Variants in PHF21B observed in about 807,000 individuals in gnomAD.
PHF21B encodes the protein PHD finger protein 4.
In PHF21B, 22 loss-of-function variants were observed where a neutral mutation model predicts 62.2. The observed-to-expected ratio is 0.35, with a 90% CI of 0.25 to 0.51. The LOEUF is 0.51. Among genes scored for constraint, PHF21B ranks in the 20% least tolerant of loss-of-function variants. The pLI, the probability that PHF21B is intolerant of heterozygous loss-of-function variation, is 0.97. For missense variants in PHF21B, 701 were observed against 707.9 expected, an observed-to-expected ratio of 0.99 and a Z score of 0.11; for synonymous variants, 341 against 314.7, an observed-to-expected ratio of 1.08 and a Z score of -0.88.
intron 2 of PHF21B, among the ~76,000 whole-genome samples, chr22:44,987,094 C>T (rs1265909101): frequency 1.3e-5 from 2 of 152,144 alleles, no homozygotes; most frequent in African/African-American, 4.8e-5. Flanking sequence ...AGAAGAGTAA[C>T]ATAAAAGGCT....
At chr22:44,888,463 C>T (rs1201233984) in intron 9 of PHF21B, among the ~76,000 whole-genome samples, 2 of 151,476 alleles carry the variant, frequency 1.3e-5, no homozygotes, top group African/African-American at 4.9e-5. Flanking sequence ...TGTCCTGCTG[C>T]GGCCTAGAAA....
At chr22:44,976,826 T>C (rs952709710) in intron 2 of PHF21B, among the ~76,000 whole-genome samples, 7 of 152,232 alleles carry the variant, frequency 4.6e-5, no homozygotes, top group African/African-American at 1.2e-4. Flanking sequence ...GAAGCATCCA[T>C]GTACATAGCA....
In PHF21B at chr22:45,009,523, C is replaced by G. The variant is rs1292040673; in HGVS notation, c.27G>C (p.Ala9=). MELQSRPE[A]LAVELARHQN... is the part of the protein sequence containing the mutation. Reference sequence around the variant, plus strand: ...GGTGGCGCGCGAGTTCCACGGCGAGCGCCTCGGGCCGGCTCTGCAGCTCCA... The same window carrying G: ...GGTGGCGCGCGAGTTCCACGGCGAGGGCCTCGGGCCGGCTCTGCAGCTCCA... Residue 9 remains alanine (A), a synonymous_variant, in exon 1 of 13, where the codon GCG becomes GCC. Coordinates refer to ENST00000313237, the MANE Select transcript of PHF21B (RefSeq NM_138415.5). The surrounding 1 kb of genome is among the most constrained non-coding windows in gnomAD (Gnocchi z 5.9). 6.4e-7 allele frequency: 1 copy of G among 1,568,584 alleles called. No individual in the cohort carries two copies.
At chr22:44,935,271 C>T (rs927632979) in intron 2 of PHF21B, among the ~76,000 whole-genome samples, 7 of 152,198 alleles carry the variant, frequency 4.6e-5, no homozygotes, top group African/African-American at 7.2e-5. Context: ...TTTCCCTCCT[C>T]TGTAAACAGG....
At chr22:44,980,068 CAAAAAAAAAAAAAAA>C (rs71190605) in intron 2 of PHF21B, among the ~76,000 whole-genome samples, 2 of 57,198 alleles carry the variant, frequency 3.5e-5, no homozygotes, top group Admixed American at 2.7e-4. Flanking sequence ...GACTTCGTCT[CAAAAAAAAAAAAAAA>C]AAAAAAAAAA....
intron 2 of PHF21B, among the ~76,000 whole-genome samples, chr22:44,923,362 G>T (rs547934550): frequency 9.4e-4 from 138 of 146,732 alleles, no homozygotes; most frequent in Middle Eastern, 7.3e-3. Context: ...AAATGGATCA[G>T]AGATCTGAAT....
At chr22:44,961,569 G>A (rs2072421232) in intron 2 of PHF21B, among the ~76,000 whole-genome samples, 2 of 152,190 alleles carry the variant, frequency 1.3e-5, no homozygotes, top group South Asian at 4.1e-4. Flanking sequence ...GGCTGGGCGT[G>A]GTGGCTCATG....
chr22:44,935,211 C>T (rs1485683825), intron 2 of PHF21B, among the ~76,000 whole-genome samples: 2 of 152,184 alleles, frequency 1.3e-5, no homozygotes. Flanking sequence ...GTCCTGCCAC[C>T]TAAGGGTTAT....
At chr22:44,999,461 C>T (rs78770253) in intron 2 of PHF21B, among the ~76,000 whole-genome samples, 11,487 of 152,106 alleles carry the variant, frequency 0.076, 533 homozygotes, top group South Asian at 0.11. Context: ...GCTAAGCCAA[C>T]AGCCAGGCTC....
chr22:44,911,080 C>T (rs1314416411), intron 5 of PHF21B, among the ~76,000 whole-genome samples: 2 of 152,156 alleles, frequency 1.3e-5, no homozygotes, highest in Admixed American at 6.5e-5. Context: ...TGCCTCTGCT[C>T]TAGAGACTTG....
chr22:44,924,546 G>C (rs1236956725), intron 2 of PHF21B, among the ~76,000 whole-genome samples: 1 of 152,168 alleles, frequency 6.6e-6, no homozygotes. Flanking sequence ...ACACGAGGGA[G>C]TTTGTGTCCT....
At chr22:44,908,955 G>A (rs1048387482) in intron 5 of PHF21B, among the ~76,000 whole-genome samples, 1 of 152,278 alleles carries the variant, frequency 6.6e-6, no homozygotes, top group Non-Finnish European at 1.5e-5. Context: ...GTGGCACCAT[G>A]CCTGGCTCAT....
intron 6 of PHF21B, among the ~76,000 whole-genome samples, chr22:44,894,085 C>T (rs903061021): frequency 6.6e-6 from 1 of 152,236 alleles, no homozygotes; most frequent in South Asian, 2.1e-4. Flanking sequence ...CCATGACCTG[C>T]CTCTCTGTGT....
chr22:44,917,105 G>A (rs1009154560), intron 3 of PHF21B, among the ~76,000 whole-genome samples: 73 of 152,334 alleles, frequency 4.8e-4, no homozygotes, highest in African/African-American at 1.7e-3. Context: ...CTGCTGCTGC[G>A]CTCCCGTGAA....
chr22:44,908,033 T>C (rs1213074537), intron 5 of PHF21B, among the ~76,000 whole-genome samples: 1 of 152,174 alleles, frequency 6.6e-6, no homozygotes, highest in Admixed American at 6.5e-5. Flanking sequence ...CAGGAAAAGC[T>C]GGGAGCTGTA....
chr22:44,976,346 G>T (rs886951125), intron 2 of PHF21B, among the ~76,000 whole-genome samples: 2 of 152,082 alleles, frequency 1.3e-5, no homozygotes, highest in Admixed American at 6.6e-5. Flanking sequence ...TCTTCACACT[G>T]TCTTAAGATA....
intron 2 of PHF21B, among the ~76,000 whole-genome samples, chr22:44,974,151 C>T (rs2072692329): frequency 6.6e-6 from 1 of 152,130 alleles, no homozygotes; most frequent in African/African-American, 2.4e-5. Flanking sequence ...CGGTGGCTCA[C>T]GTCTGTAATC....
At chr22:44,989,699 T>A (rs899299564) in intron 2 of PHF21B, among the ~76,000 whole-genome samples, 11 of 135,056 alleles carry the variant, frequency 8.1e-5, no homozygotes, top group Non-Finnish European at 1.5e-4. Context: ...AACCTCCGCA[T>A]CCCAGGTTCA....
chr22:44,910,019 A>C (rs2071317905), intron 5 of PHF21B, among the ~76,000 whole-genome samples: 1 of 152,218 alleles, frequency 6.6e-6, no homozygotes, highest in Non-Finnish European at 1.5e-5. Flanking sequence ...GGCTGCCTGC[A>C]TCCTGATGTC....
Sources: gnomAD v4.1 joint callset for allele counts (sites outside exome capture counted in the v4.1 genomes callset) on GRCh38, gnomAD v4.1.1 for gene constraint, Gnocchi (gnomAD v3.1) non-coding constraint, MANE v1.5 for transcripts, NCBI Gene and HGNC (gene_info 2026-07-23, HGNC 2026-07-21) for gene names.